MAP1LC3B2: variants seen among roughly 807,000 people sequenced by gnomAD.
The protein encoded by MAP1LC3B2 is microtubule-associated protein 1 light chain 3 beta 2.
For missense variants in MAP1LC3B2, 155 were observed against 154.6 expected (o/e 1.00, Z -0.01); for synonymous variants, 62 against 57.8 (o/e 1.07, Z -0.33).
intron 1 of MAP1LC3B2, among the ~76,000 whole-genome samples, chr12:116,572,065 G>A (rs907803331): frequency 3.3e-5 from 5 of 151,662 alleles, no homozygotes; most frequent in Admixed American, 3.3e-4. Context: ...AATTTCTGCC[G>A]CTAAGAAAAT....
intron 1 of MAP1LC3B2, among the ~76,000 whole-genome samples, chr12:116,561,250 G>A (rs763434773): frequency 6.6e-6 from 1 of 151,880 alleles, no homozygotes; most frequent in Non-Finnish European, 1.5e-5. Context: ...ACTCCAGCCT[G>A]GGTGACCAAG....
At chr12:116,560,188 C>CTATATATATATATA (rs56727893) in intron 1 of MAP1LC3B2, 2 of 88,440 alleles carry the variant, frequency 2.3e-5, no homozygotes, top group Non-Finnish European at 2.3e-5. Flanking sequence ...CTAAGTTTGG[C>CTATATATATATATA]TATATATATA....
intron 1 of MAP1LC3B2, among the ~76,000 whole-genome samples, chr12:116,566,637 A>AAC (rs1869393492): frequency 6.7e-6 from 1 of 149,834 alleles, no homozygotes; most frequent in South Asian, 2.1e-4. Context: ...AAAAAAAAAA[A>AAC]AACAAGAATT....
chr12:116,573,847 G>A (rs1244675637), intron 1 of MAP1LC3B2, among the ~76,000 whole-genome samples: 4 of 152,172 alleles, frequency 2.6e-5, no homozygotes, highest in Non-Finnish European at 5.9e-5. Context: ...AAAATAAAAA[G>A]ACCAATAGCC....
rs574510437 is a variant in MAP1LC3B2 at position 116,561,595 on chromosome 12, G to A, written c.-102+2162G>A. ...GACTCCCGAGACTAAGGGAGGAGTC[G>A]AGGGTCCCTGGTTGTAGATAAGTCT... On this transcript the variant is annotated intron_variant, in intron 1 of 1. Coordinates refer to ENST00000556529, the MANE Select transcript of MAP1LC3B2 (RefSeq NM_001085481.3). Among the ~76,000 whole-genome samples, 13 of 152,270 alleles carry A rather than the reference G, an allele frequency of 8.5e-5. No individual in the cohort carries two copies. The East Asian group carries it at 9.7e-4, about 11-fold the overall frequency.
In MAP1LC3B2 at chr12:116,575,997, G is replaced by A. The variant is rs1342829385; in HGVS notation, c.55G>A (p.Asp19Asn). ...QRRTFEQRVE[D>N]VRLIREQHPT... is the part of the protein sequence containing the mutation. ...GCGCACCTTCGAACAAAGAGTAGAA[G>A]ATGTCCGACTTATTCGAGAGCAGCA... Residue 19 changes from aspartate (D) to asparagine (N), a missense_variant, in exon 2 of 2, where the codon GAT (aspartate) becomes AAT (asparagine). Coordinates refer to ENST00000556529, the MANE Select transcript of MAP1LC3B2 (RefSeq NM_001085481.3). 1.2e-6 allele frequency: 2 copies of A among 1,614,220 alleles called. No homozygotes were observed. Among genetic ancestry groups the A allele is most frequent in the Non-Finnish European group, 1.7e-6 (2 of 1,180,036 alleles).
intron 1 of MAP1LC3B2, among the ~76,000 whole-genome samples, chr12:116,561,060 T>G (rs1238368205): frequency 6.6e-6 from 1 of 151,998 alleles, no homozygotes; most frequent in Non-Finnish European, 1.5e-5. Flanking sequence ...GAGGTTGCAG[T>G]GAGCTGAGAT....
At chr12:116,571,194 G>C (rs1025988108) in intron 1 of MAP1LC3B2, among the ~76,000 whole-genome samples, 4 of 152,182 alleles carry the variant, frequency 2.6e-5, no homozygotes, top group African/African-American at 9.7e-5. Context: ...TCTTGGAAAA[G>C]CTCTGCCCAT....
chr12:116,563,466 G>C (rs1318541974), intron 1 of MAP1LC3B2, among the ~76,000 whole-genome samples: 1 of 152,136 alleles, frequency 6.6e-6, no homozygotes, highest in Non-Finnish European at 1.5e-5. Flanking sequence ...TTTCTAAGGA[G>C]TAATCAGTGA....
At chr12:116,574,328 A>T (rs928843055) in intron 1 of MAP1LC3B2, among the ~76,000 whole-genome samples, 2 of 152,108 alleles carry the variant, frequency 1.3e-5, no homozygotes, top group Non-Finnish European at 2.9e-5. Flanking sequence ...TTATATTAAG[A>T]AAAACAGTGC....
intron 1 of MAP1LC3B2, among the ~76,000 whole-genome samples, chr12:116,571,773 G>A (rs1283769416): frequency 6.6e-6 from 1 of 151,930 alleles, no homozygotes; most frequent in African/African-American, 2.4e-5. Context: ...AAGCCACCGC[G>A]CCCGGCCACG....
Position 116,569,083 on chromosome 12 carries a change from C to T in MAP1LC3B2, c.-101-6759C>T, listed in dbSNP as rs140375194. 4.9e-3 allele frequency among the ~76,000 whole-genome samples: 744 copies of T among 152,044 alleles called. 9 individuals are homozygous for T. The highest frequency in any genetic ancestry group is 0.017 in the African/African-American group (701 of 41,498). ...TTCACGGTGTTAGCCAGGATGGTCTCGATCTCCTGACCTCATGATCCGCCC... is the reference window on the plus strand; with the variant it reads ...TTCACGGTGTTAGCCAGGATGGTCTTGATCTCCTGACCTCATGATCCGCCC... On this transcript the variant is annotated intron_variant, in intron 1 of 1. Transcript: ENST00000556529.
At position 116,576,460 on chromosome 12, in the gene MAP1LC3B2, A is replaced by G. The variant is rs1869689997; in HGVS notation, c.*140A>G. The G allele has an allele frequency of 2.3e-6, 3 of 1,302,876 alleles. No individual in the cohort carries two copies. Among genetic ancestry groups the G allele is most frequent in the Non-Finnish European group, 2.1e-6 (2 of 954,970 alleles). The allele number at this position is 1,302,876 out of a possible 1,614,324, so 80.7% of individuals were successfully genotyped here. On this transcript the variant is annotated 3_prime_UTR_variant, in exon 2 of 2. Transcript: ENST00000556529. ...GTGTTCCCACCTAGGAGTGTTAGGAAGTTGTGTTTGTGTTTCAAGCAGAAA... is the reference window on the plus strand; with the variant it reads ...GTGTTCCCACCTAGGAGTGTTAGGAGGTTGTGTTTGTGTTTCAAGCAGAAA...
intron 1 of MAP1LC3B2, among the ~76,000 whole-genome samples, chr12:116,565,772 T>C (rs982391773): frequency 5.3e-5 from 8 of 152,172 alleles, no homozygotes; most frequent in African/African-American, 1.9e-4. Flanking sequence ...TATACGATAG[T>C]GGGAGGACAG....
At chr12:116,571,423 C>T (rs1041070319) in intron 1 of MAP1LC3B2, among the ~76,000 whole-genome samples, 1 of 134,036 alleles carries the variant, frequency 7.5e-6, no homozygotes, top group African/African-American at 2.8e-5. Context: ...ATTTTTCCTT[C>T]TCGTGAGAAT....
intron 1 of MAP1LC3B2, among the ~76,000 whole-genome samples, chr12:116,562,414 G>A (rs1366875634): frequency 2.6e-5 from 4 of 152,232 alleles, no homozygotes; most frequent in African/African-American, 9.6e-5. Context: ...ATCTGAGCAG[G>A]AGGTAGACCT....
chr12:116,571,458 CTTTTTTTTTTTTTTTTTTTTTTTT>C (rs71095564), intron 1 of MAP1LC3B2, among the ~76,000 whole-genome samples: 12 of 48,110 alleles, frequency 2.5e-4, no homozygotes, highest in African/African-American at 7.8e-4. Context: ...GACTGCTGTT[CTTTTTTTTTTTTTTTTTTTTTTTT>C]TTTTTTTTTT....
At chr12:116,560,188 CT>C (rs1869217159) in intron 1 of MAP1LC3B2, 53 of 88,428 alleles carry the variant, frequency 6.0e-4, no homozygotes, top group African/African-American at 1.9e-3. Flanking sequence ...CTAAGTTTGG[CT>C]ATATATATAT....
chr12:116,572,458 A>G (rs1346685431), intron 1 of MAP1LC3B2, among the ~76,000 whole-genome samples: 3 of 149,852 alleles, frequency 2.0e-5, no homozygotes, highest in East Asian at 2.0e-4. Flanking sequence ...TCCGCCTCCC[A>G]GGCCCACACC....
Sources: allele counts gnomAD v4.1 joint callset (sites outside exome capture counted in the v4.1 genomes callset), GRCh38; gene constraint gnomAD v4.1.1; transcripts MANE v1.5; gene names NCBI Gene and HGNC (gene_info 2026-07-23, HGNC 2026-07-21).